SHOC1: variants seen among roughly 807,000 people sequenced by gnomAD.
SHOC1 encodes shortage in chiasmata 1.
In SHOC1, 136 loss-of-function variants were observed where a neutral mutation model predicts 179.2. The ratio of observed to expected loss-of-function variants is 0.76; its 90% CI spans 0.66 to 0.87. The LOEUF is 0.87. Ranked by LOEUF, SHOC1 falls within the 40% of genes least tolerant of loss-of-function variation. The probability of loss-of-function intolerance (pLI) is 0.00; values close to 1 mark genes in which losing one functional copy is unlikely to be tolerated. For synonymous variants in SHOC1, 489 were observed against 586.6 expected (o/e 0.83, Z 2.41); for missense variants, 1,538 against 1,700.8 (o/e 0.90, Z 1.68).
At chr9:111,750,632 G>GC (rs1330519619) in intron 8 of SHOC1, among the ~76,000 whole-genome samples, 1 of 152,108 alleles carries the variant, frequency 6.6e-6, no homozygotes, top group Admixed American at 6.5e-5. Flanking sequence ...TCTGCACCTG[G>GC]CCATATGTCT....
At chr9:111,708,405 G>A (rs1455385801) in intron 18 of SHOC1, among the ~76,000 whole-genome samples, 1 of 151,988 alleles carries the variant, frequency 6.6e-6, no homozygotes, top group Non-Finnish European at 1.5e-5. Context: ...GTTTCACCAT[G>A]TTGGTCAGGC....
Position 111,732,372 on chromosome 9 carries a change from C to T in SHOC1, c.1418-4323G>A, listed in dbSNP as rs556507992. Among the ~76,000 whole-genome samples the T allele has an allele frequency of 4.6e-5, 7 of 151,958 alleles. No individual in the cohort carries two copies. The East Asian group carries it at 5.8e-4, about 13-fold the overall frequency. On this transcript the variant is annotated intron_variant, in intron 12 of 27. Transcript: ENST00000682961. ...GACCAGATGGGAGGATTGCTTGAGA[C>T]CAAGAGATTGAGACCCCATCTCTAA...
chr9:111,764,227 G>A (rs1490221701), intron 5 of SHOC1, among the ~76,000 whole-genome samples: 2 of 152,146 alleles, frequency 1.3e-5, no homozygotes, highest in East Asian at 3.8e-4. Flanking sequence ...TCCCTGTATT[G>A]CAGTTCTTGT....
In SHOC1 at chr9:111,706,681, G is replaced by T; in HGVS notation, c.2624C>A (p.Ser875Ter). ...CACATAATTGTATTCCACCACAAAT[G>T]AGAAATTACTCCAGGGGAAATCTGC... ...IGADFPWSNF[S>*]FVVEYNYVED... is the part of the protein sequence containing the mutation. Residue 875 changes from serine (S) to a stop codon, truncating the protein, a stop_gained, in exon 20 of 28, where the codon TCA (serine) becomes TAA (stop). Coordinates refer to ENST00000682961, the MANE Select transcript of SHOC1 (RefSeq NM_001378211.1). LOFTEE classifies it high-confidence loss of function. 1 of 1,609,484 alleles carries T rather than the reference G, an allele frequency of 6.2e-7. No homozygotes were observed. Among genetic ancestry groups the T allele is most frequent in the South Asian group, 1.1e-5 (1 of 90,578 alleles).
Position 111,743,872 on chromosome 9 carries a change from G to T in SHOC1, c.1080-2302C>A, listed in dbSNP as rs882811. 3.9e-5 allele frequency among the ~76,000 whole-genome samples: 6 copies of T among 152,170 alleles called. No individual in the cohort carries two copies. The South Asian group carries it at 1.2e-3, about 32-fold the overall frequency. On this transcript the variant is annotated intron_variant, in intron 10 of 27. Coordinates refer to ENST00000682961, the MANE Select transcript of SHOC1 (RefSeq NM_001378211.1). ...TATGGATTTTTAAGCTTTTACAGTT[G>T]CCAAACAAATGGAAGTGATTTATCT...
rs1331367091 is a variant in SHOC1, at chr9:111,727,896, G to C, written c.1571C>G (p.Ala524Gly). The change falls in exon 13 of 28, where the codon GCA becomes GGA. Residue 524 changes from alanine to glycine, a missense_variant. Transcript: ENST00000682961. The stretch of plus-strand genomic sequence containing the variant: ...ATTCTTTGGTTTTTCTTCTTTTGCT[G>C]CTCCTTTATCAGAGAAATAGTCATC... ...FSDDYFSDKG[A>G]AKEEKPKNDQ... 2 of 1,612,846 alleles carry C rather than the reference G, an allele frequency of 1.2e-6. No homozygotes were observed. The highest frequency in any genetic ancestry group is 1.3e-5 in the African/African-American group (1 of 74,804).
chr9:111,759,208 T>A (rs1410602252), intron 5 of SHOC1: 2 of 1,613,670 alleles, frequency 1.2e-6, no homozygotes, highest in Non-Finnish European at 1.7e-6. Context: ...AATAGAAGTA[T>A]TTGACTTCTG....
At chr9:111,703,181 A>G (rs1832065155) in intron 22 of SHOC1, among the ~76,000 whole-genome samples, 1 of 152,192 alleles carries the variant, frequency 6.6e-6, no homozygotes, top group African/African-American at 2.4e-5. Flanking sequence ...AATATACAAG[A>G]CACAGTATCT....
chr9:111,771,375 C>A (rs550349197), intron 5 of SHOC1, among the ~76,000 whole-genome samples: 2 of 152,190 alleles, frequency 1.3e-5, no homozygotes, highest in South Asian at 4.1e-4. Context: ...GTTGCTATAG[C>A]TATTGTTTTT....
chr9:111,709,290 C>T (rs897391900), intron 18 of SHOC1, among the ~76,000 whole-genome samples: 6 of 152,122 alleles, frequency 3.9e-5, no homozygotes, highest in Non-Finnish European at 8.8e-5. Context: ...TGCAGTAAGC[C>T]GAGATCGTGC....
intron 24 of SHOC1, among the ~76,000 whole-genome samples, chr9:111,699,710 C>T (rs1261575375): frequency 1.3e-5 from 2 of 152,074 alleles, no homozygotes; most frequent in Non-Finnish European, 2.9e-5. Flanking sequence ...TCATATCCTG[C>T]TATGTTTAGA....
chr9:111,710,028 C>T (rs1832471437), intron 18 of SHOC1, among the ~76,000 whole-genome samples: 1 of 152,138 alleles, frequency 6.6e-6, no homozygotes, highest in African/African-American at 2.4e-5. Flanking sequence ...AGGTTCTTCA[C>T]AAAAATATTC....
chr9:111,730,803 G>T (rs987455440), intron 12 of SHOC1, among the ~76,000 whole-genome samples: 3 of 152,206 alleles, frequency 2.0e-5, no homozygotes, highest in African/African-American at 7.2e-5. Flanking sequence ...AAGCTCTGAA[G>T]CCAGACATTG....
chr9:111,782,641 G>A (rs987648418), intron 3 of SHOC1, among the ~76,000 whole-genome samples: 7 of 151,874 alleles, frequency 4.6e-5, no homozygotes, highest in Non-Finnish European at 7.4e-5. Flanking sequence ...AATTTCAAAT[G>A]GCCACCCAAC....
chr9:111,707,941 T>C lies in SHOC1; in HGVS notation c.2489-17A>G, dbSNP rs1346956649. On this transcript the variant is annotated splice_polypyrimidine_tract_variant and intron_variant, in intron 18 of 27. Coordinates refer to ENST00000682961, the MANE Select transcript of SHOC1 (RefSeq NM_001378211.1). ...GTGTTAAACCTGTTGGAAAAAAGAA[T>C]AATTTTTTTCAGTGTCTTGTTCAGA... 1.3e-6 allele frequency: 2 copies of C among 1,483,740 alleles called. No individual in the cohort carries two copies. Among genetic ancestry groups the C allele is most frequent in the Non-Finnish European group, 1.8e-6 (2 of 1,101,996 alleles). 91.9% of individuals were successfully genotyped at this position (1,483,740 alleles called of 1,614,324 possible).
rs143836097 is a variant in SHOC1, at chr9:111,729,384, G to T, written c.1418-1335C>A. 2.3e-4 allele frequency among the ~76,000 whole-genome samples: 35 copies of T among 152,282 alleles called. 1 individual carries two copies. Among genetic ancestry groups the T allele is most frequent in the African/African-American group, 7.7e-4 (32 of 41,564 alleles). ...TGGCCTCCCAAGTGCTGGAATTACAGGTGAAAGCCACTGTGCCCGGCTAGG... is the reference window on the plus strand; with the variant it reads ...TGGCCTCCCAAGTGCTGGAATTACATGTGAAAGCCACTGTGCCCGGCTAGG... On this transcript the variant is annotated intron_variant, in intron 12 of 27. Coordinates refer to ENST00000682961, the MANE Select transcript of SHOC1 (RefSeq NM_001378211.1).
intron 18 of SHOC1, among the ~76,000 whole-genome samples, chr9:111,710,703 TGA>T (rs900950921): frequency 3.3e-5 from 5 of 152,124 alleles, no homozygotes; most frequent in African/African-American, 1.2e-4. Flanking sequence ...CATAATGGCC[TGA>T]GAGCACAGAG....
chr9:111,756,219 T>G, intron 8 of SHOC1, 106 bp downstream of exon 8: 1 of 793,370 alleles, frequency 1.3e-6, no homozygotes, highest in Non-Finnish European at 1.8e-6. Context: ...TGCAGAACAT[T>G]TTTGCAAAAT....
At chr9:111,772,726 G>A (rs780718443) in intron 5 of SHOC1, among the ~76,000 whole-genome samples, 4 of 152,308 alleles carry the variant, frequency 2.6e-5, no homozygotes, top group Middle Eastern at 3.4e-3. Flanking sequence ...TCTGGCTAGA[G>A]GTTCGTGCCC....
Sources: allele counts gnomAD v4.1 joint callset (sites outside exome capture counted in the v4.1 genomes callset), GRCh38; gene constraint gnomAD v4.1.1; transcripts MANE v1.5; gene names NCBI Gene and HGNC (gene_info 2026-07-23, HGNC 2026-07-21).